EXD3: variants seen among roughly 807,000 people sequenced by gnomAD.
The protein encoded by EXD3 is exonuclease 3'-5' domain containing 3.
Under a neutral mutation model 98.0 loss-of-function variants are expected in EXD3, and 92 were observed. The ratio of observed to expected loss-of-function variants is 0.94; its 90% CI spans 0.79 to 1.12. EXD3 has a LOEUF of 1.12. Ranked by LOEUF, EXD3 falls within the 50% of genes most tolerant of loss-of-function variation. EXD3 has a pLI of 0.00. For missense variants in EXD3, 1,222 were observed against 1,191.6 expected (o/e 1.03, Z -0.38); for synonymous variants, 569 against 526.0 (o/e 1.08, Z -1.12).
At position 137,354,786 on chromosome 9, in the gene EXD3, G is replaced by C; in HGVS notation, c.758-13C>G. The C allele has an allele frequency of 6.2e-7, 1 of 1,607,268 alleles. No homozygotes were observed. The highest frequency in any genetic ancestry group is 8.5e-7 in the Non-Finnish European group (1 of 1,178,788). ...TTGGGACACAGCGCTGAAAGGAAAG[G>C]CCAGCTCAGCACTGAGGGCTCAGGG... On this transcript the variant is annotated splice_polypyrimidine_tract_variant and intron_variant, in intron 8 of 21. Coordinates refer to ENST00000340951, the MANE Select transcript of EXD3 (RefSeq NM_017820.5).
chr9:137,342,337 C>A (rs1833690014), intron 17 of EXD3, among the ~76,000 whole-genome samples: 1 of 139,648 alleles, frequency 7.2e-6, no homozygotes, highest in African/African-American at 2.8e-5. Flanking sequence ...CAGGAGCCGT[C>A]TCCCAGGGGA....
chr9:137,328,485 A>ACGAATATAC (rs1336695260), intron 17 of EXD3, among the ~76,000 whole-genome samples: 3 of 151,746 alleles, frequency 2.0e-5, no homozygotes, highest in African/African-American at 4.8e-5. Flanking sequence ...AGTAAAAACA[A>ACGAATATAC]AAGTAAAAAC....
At chr9:137,415,111 C>G (rs1838176720) in intron 1 of EXD3, among the ~76,000 whole-genome samples, 1 of 152,038 alleles carries the variant, frequency 6.6e-6, no homozygotes, top group South Asian at 2.1e-4. Flanking sequence ...TGGTCTTGAA[C>G]TCCTGACCAC....
rs75421666 is a variant in EXD3, at chr9:137,310,570, C to T, written c.2185-870G>A. Reference sequence around the variant, plus strand: ...TATGACCAACCTGCCAGGCTTACTGCGATGCTGGGGGTGGGGGCAGGGAGG... The same window carrying T: ...TATGACCAACCTGCCAGGCTTACTGTGATGCTGGGGGTGGGGGCAGGGAGG... On this transcript the variant is annotated intron_variant, in intron 19 of 21. Coordinates refer to ENST00000340951, the MANE Select transcript of EXD3 (RefSeq NM_017820.5). 0.012 allele frequency among the ~76,000 whole-genome samples: 1,794 copies of T among 152,288 alleles called. 76 individuals are homozygous for T. In the East Asian group the frequency reaches 0.15, roughly 13 times the overall value.
Position 137,312,627 on chromosome 9 carries a change from C to G in EXD3, c.2185-2927G>C, listed in dbSNP as rs909452349. Among the ~76,000 whole-genome samples, 9 of 152,240 alleles carry G rather than the reference C, an allele frequency of 5.9e-5. No individual in the cohort carries two copies. In the East Asian group the frequency reaches 9.7e-4, roughly 16 times the overall value. On this transcript the variant is annotated intron_variant, in intron 19 of 21. Coordinates refer to ENST00000340951, the MANE Select transcript of EXD3 (RefSeq NM_017820.5). The stretch of plus-strand genomic sequence containing the variant: ...GCCCAAGGAGGAGTGAGGGAAAGAG[C>G]TGCTCAGCCACTGCCCCAGAGCTGG...
Position 137,324,104 on chromosome 9 carries a change from G to T in EXD3, c.2038C>A (p.Gln680Lys). The T allele has an allele frequency of 6.3e-7, 1 of 1,588,488 alleles. No individual in the cohort carries two copies. The highest frequency in any genetic ancestry group is 8.6e-7 in the Non-Finnish European group (1 of 1,168,236). The part of the protein sequence containing the change: ...QEGRIILTSG[Q>K]PFHKLRAQVG... ...GGGACACTCACCTTGTGGAATGGCT[G>T]CCCCGACGTCAGAATGATCCTCCCC... is the stretch of plus-strand genomic sequence containing the variant. Residue 680 changes from glutamine (Q) to lysine (K), a missense_variant, in exon 18 of 22, where the codon CAG becomes AAG. Coordinates refer to ENST00000340951, the MANE Select transcript of EXD3 (RefSeq NM_017820.5). The surrounding 1 kb of genome is among the most constrained non-coding windows in gnomAD (Gnocchi z 4.1).
In EXD3 at chr9:137,366,322, C is replaced by T. The variant is rs1399452401; in HGVS notation, c.656+171G>A. 4 of 953,780 alleles carry T rather than the reference C, an allele frequency of 4.2e-6. No homozygotes were observed. The Admixed American group carries it at 8.0e-5, about 19-fold the overall frequency. The allele number at this position is 953,780 out of a possible 1,614,324, so 59.1% of individuals were successfully genotyped here. On this transcript the variant is annotated intron_variant, in intron 7 of 21. Transcript: ENST00000340951. The stretch of plus-strand genomic sequence containing the variant: ...GTGCTCCTGCCAGCCCCAGCCGCTC[C>T]TCTCCAGAGGCAGCTGCTCCAGCTG...
intron 8 of EXD3, among the ~76,000 whole-genome samples, chr9:137,354,997 G>T (rs1834545864): frequency 6.6e-6 from 1 of 152,164 alleles, no homozygotes; most frequent in Non-Finnish European, 1.5e-5. Flanking sequence ...CACTTGTGTG[G>T]CGGGCCCTTT....
At chr9:137,327,019 T>A (rs1380951679) in intron 17 of EXD3, among the ~76,000 whole-genome samples, 1 of 151,892 alleles carries the variant, frequency 6.6e-6, no homozygotes, top group Non-Finnish European at 1.5e-5. Flanking sequence ...GGGCAGATAC[T>A]ATATGATTCC....
At chr9:137,420,757 A>G (rs1216213866) in intron 1 of EXD3, among the ~76,000 whole-genome samples, 1 of 127,142 alleles carries the variant, frequency 7.9e-6, no homozygotes, top group Non-Finnish European at 1.7e-5. Flanking sequence ...CCAAATTCAT[A>G]CAGGTATTAT....
intron 3 of EXD3, chr9:137,374,464 AC>A: frequency 1.4e-6 from 1 of 714,742 alleles, no homozygotes; most frequent in Non-Finnish European, 1.7e-6. Flanking sequence ...TGTGCTCTCC[AC>A]GGGGCTCCAG....
rs772698953 is a variant in EXD3, at chr9:137,306,976, G to A, written c.2605C>T (p.Pro869Ser). The change falls in exon 22 of 22, where the codon CCC becomes TCC. Residue 869 changes from proline (P) to serine (S), a missense_variant. Coordinates refer to ENST00000340951, the MANE Select transcript of EXD3 (RefSeq NM_017820.5). ...APSPCEPSPA[P>S]SPASSPF Reference sequence around the variant, plus strand: ...CAGAAGGGACTGCTGGCCGGGCTGGGGGCTGGGCTCGGCTCGCAGGGGCTG... The same window carrying A: ...CAGAAGGGACTGCTGGCCGGGCTGGAGGCTGGGCTCGGCTCGCAGGGGCTG... 1 of 1,596,370 alleles carries A rather than the reference G, an allele frequency of 6.3e-7. No individual in the cohort carries two copies. Among genetic ancestry groups the A allele is most frequent in the South Asian group, 1.1e-5 (1 of 89,020 alleles).
chr9:137,418,005 G>A (rs1013622109), intron 1 of EXD3, among the ~76,000 whole-genome samples: 3 of 152,166 alleles, frequency 2.0e-5, no homozygotes, highest in African/African-American at 7.2e-5. Context: ...GAGGACCCCC[G>A]GGGCTGGCAG....
intron 17 of EXD3, among the ~76,000 whole-genome samples, chr9:137,328,217 T>G (rs1464452583): frequency 6.6e-6 from 1 of 151,176 alleles, no homozygotes; most frequent in African/African-American, 2.4e-5. Flanking sequence ...TCCCATATGA[T>G]GAGTAAAAAC....
intron 14 of EXD3, among the ~76,000 whole-genome samples, 169 bp downstream of exon 14, chr9:137,350,869 C>T (rs1420790712): frequency 6.6e-6 from 1 of 152,106 alleles, no homozygotes; most frequent in East Asian, 1.9e-4. Context: ...CTGGAGATGC[C>T]AGATCCAGCT....
chr9:137,389,704 G>A (rs1022504957), intron 2 of EXD3, among the ~76,000 whole-genome samples: 15 of 152,154 alleles, frequency 9.9e-5, no homozygotes, highest in Non-Finnish European at 7.3e-5. Context: ...TGGGAGCCAG[G>A]TGGATGCATG....
rs1588277620 is a variant in EXD3 at position 137,331,335 on chromosome 9, A to T, written c.1999-7192T>A. ...GAAAAGTGGAAACAGTCCCCCTGAG[A>T]ACTGCAACAAGACAAGGATGCCCTC... On this transcript the variant is annotated intron_variant, in intron 17 of 21. Transcript: ENST00000340951. Among the ~76,000 whole-genome samples the T allele has an allele frequency of 4.6e-5, 7 of 152,122 alleles. No homozygotes were observed. In the South Asian group the frequency reaches 1.5e-3, roughly 32 times the overall value.
chr9:137,366,248 T>C, intron 7 of EXD3: 1 of 705,944 alleles, frequency 1.4e-6, no homozygotes, highest in Non-Finnish European at 2.6e-6. Context: ...GAGAATTATT[T>C]TCGTTCTTCT....
rs563076180 is a variant in EXD3 at position 137,392,700 on chromosome 9, T to TC, written c.55+2602dup. 1,151 of 340,782 alleles carry TC rather than the reference T, an allele frequency of 3.4e-3. 16 individuals carry two copies. The highest frequency in any genetic ancestry group is 0.024 in the African/African-American group (1,045 of 43,088). 21.1% of individuals were successfully genotyped at this position (340,782 alleles called of 1,614,324 possible). A position where few individuals can be genotyped will look rare whatever the true frequency, so the allele number is the denominator to read the frequency against. On this transcript the variant is annotated intron_variant, in intron 2 of 21. Coordinates refer to ENST00000340951, the MANE Select transcript of EXD3 (RefSeq NM_017820.5). Reference sequence around the variant, plus strand: ...CTGTTCCAGGGGGTGCTGTGTCTGTTCTGGGGGGGCTGTGTCTGTTCCAGG... The same window carrying TC: ...CTGTTCCAGGGGGTGCTGTGTCTGTTCCTGGGGGGGCTGTGTCTGTTCCAGG...
Sources: allele counts gnomAD v4.1 joint callset (sites outside exome capture counted in the v4.1 genomes callset), GRCh38; gene constraint gnomAD v4.1.1; non-coding constraint Gnocchi (gnomAD v3.1); transcripts MANE v1.5; gene names NCBI Gene and HGNC (gene_info 2026-07-23, HGNC 2026-07-21).